The following NLRP14 variants were observed in gnomAD, a reference collection of about 807,000 sequenced individuals.
NLRP14 encodes NLR family pyrin domain containing 14.
In NLRP14, 105 loss-of-function variants were observed where a neutral mutation model predicts 94.7. The observed-to-expected ratio is 1.11, with a 90% CI of 0.95 to 1.30. NLRP14 has a LOEUF of 1.30. NLRP14 is among the 50% of genes most tolerant of loss of function. The probability of loss-of-function intolerance (pLI) is 0.00; values close to 1 mark genes in which losing one functional copy is unlikely to be tolerated. For synonymous variants in NLRP14, 508 were observed against 459.9 expected (o/e 1.10, Z -1.34); for missense variants, 1,362 against 1,254.1 (o/e 1.09, Z -1.30).
At chr11:7,089,148 C>T in the NLRP14 span, 4 of 1,614,026 alleles carry the variant, frequency 2.5e-6, no homozygotes, top group Admixed American at 5.0e-5. Context: ...CCCGGGGAAG[C>T]TGTTCATTGG....
At chr11:7,068,776 G>A (rs1256530447) in intron 10 of NLRP14, among the ~76,000 whole-genome samples, 3 of 152,050 alleles carry the variant, frequency 2.0e-5, no homozygotes, top group South Asian at 2.1e-4. Flanking sequence ...CCAGCCTCAC[G>A]AGTAGCTAGG....
intron 6 of NLRP14, among the ~76,000 whole-genome samples, chr11:7,057,300 C>T (rs889391817): frequency 6.6e-6 from 1 of 152,010 alleles, no homozygotes; most frequent in Non-Finnish European, 1.5e-5. Context: ...AACTTCCTGT[C>T]CATTTCTGTT....
downstream of NLRP14, among the ~76,000 whole-genome samples, chr11:7,072,650 C>T (rs184595195): frequency 1.3e-5 from 2 of 152,220 alleles, no homozygotes; most frequent in East Asian, 3.9e-4. Flanking sequence ...GGTGTGTTTA[C>T]TGAAGTTGTA....
At chr11:7,089,003 C>G in the NLRP14 span, 1 of 1,233,990 alleles carries the variant, frequency 8.1e-7, no homozygotes, top group African/African-American at 1.5e-5. Flanking sequence ...TCCGTGGACT[C>G]GGCGACTAGG....
At chr11:7,057,943 T>A in intron 7 of NLRP14, 96 bp downstream of exon 7, 1 of 986,972 alleles carries the variant, frequency 1.0e-6, no homozygotes, top group Non-Finnish European at 1.6e-6. Context: ...GTCTTGGCAC[T>A]AACTGGCTCG....
rs561185468 is a variant in NLRP14 at position 7,027,201 on chromosome 11, C to T, written c.-22+6431C>T. Among the ~76,000 whole-genome samples the T allele has an allele frequency of 4.6e-5, 7 of 151,444 alleles. No individual in the cohort carries two copies. In the South Asian group the frequency reaches 1.5e-3, roughly 32 times the overall value. Reference sequence around the variant, plus strand: ...TCCTTCCCATCATCAAGTATGCTGTCATTTCTCTAAAACAAAACAATAAAA... The same window carrying T: ...TCCTTCCCATCATCAAGTATGCTGTTATTTCTCTAAAACAAAACAATAAAA... On this transcript the variant is annotated intron_variant, in intron 1 of 11. Coordinates refer to ENST00000299481, the MANE Select transcript of NLRP14 (RefSeq NM_176822.4).
At chr11:7,041,502 A>C (rs906889043) in intron 3 of NLRP14, among the ~76,000 whole-genome samples, 25 of 152,066 alleles carry the variant, frequency 1.6e-4, no homozygotes, top group African/African-American at 5.8e-4. Context: ...ATTTGGGGGG[A>C]TATTAGTACC....
chr11:7,065,824 A>G (rs865923096), intron 10 of NLRP14, among the ~76,000 whole-genome samples: 1 of 151,946 alleles, frequency 6.6e-6, no homozygotes, highest in Non-Finnish European at 1.5e-5. Context: ...CCCATCATCT[A>G]TATTAAGTTT....
At chr11:7,089,809 G>A in the NLRP14 span, 8 of 1,606,556 alleles carry the variant, frequency 5.0e-6, no homozygotes, top group Non-Finnish European at 6.8e-6. Context: ...GAACCCCGGG[G>A]TTTTGCCCCC....
intron 10 of NLRP14, among the ~76,000 whole-genome samples, chr11:7,065,913 G>C (rs1276284664): frequency 1.3e-5 from 2 of 152,070 alleles, no homozygotes; most frequent in Non-Finnish European, 2.9e-5. Context: ...GTGTGTCCAT[G>C]TGTTCTCATT....
At chr11:7,053,208 A>G (rs1852466900) in intron 6 of NLRP14, among the ~76,000 whole-genome samples, 1 of 152,108 alleles carries the variant, frequency 6.6e-6, no homozygotes, top group Non-Finnish European at 1.5e-5. Context: ...TAGATAAATT[A>G]TAAACTAATC....
At chr11:7,049,585 C>G in intron 5 of NLRP14, 86 bp from the exon 6 acceptor site, 1 of 938,390 alleles carries the variant, frequency 1.1e-6, no homozygotes, top group Non-Finnish European at 1.8e-6. Flanking sequence ...CATGTAATAT[C>G]CAAGAATTAG....
At chr11:7,026,708 T>C (rs956288486) in intron 1 of NLRP14, among the ~76,000 whole-genome samples, 2 of 150,826 alleles carry the variant, frequency 1.3e-5, no homozygotes, top group Non-Finnish European at 2.9e-5. Context: ...CATGCACACG[T>C]ATGTTTATTG....
chr11:7,031,961 C>T (rs1421058771), intron 1 of NLRP14, among the ~76,000 whole-genome samples: 3 of 152,192 alleles, frequency 2.0e-5, no homozygotes, highest in Non-Finnish European at 4.4e-5. Context: ...TTAGCACCCC[C>T]ACTCCCTCTA....
At chr11:7,070,977 T>C (rs1852786246) in intron 11 of NLRP14, among the ~76,000 whole-genome samples, 196 bp from the exon 12 acceptor site, 1 of 152,236 alleles carries the variant, frequency 6.6e-6, no homozygotes, top group Non-Finnish European at 1.5e-5. Flanking sequence ...TAATTTATTC[T>C]GTCTTCCTTC....
downstream of NLRP14, among the ~76,000 whole-genome samples, chr11:7,072,524 T>G (rs1852816020): frequency 6.6e-6 from 1 of 152,240 alleles, no homozygotes; most frequent in African/African-American, 2.4e-5. Flanking sequence ...TTTGAGACTT[T>G]ATACATTGAC....
rs1589861643 is a variant in NLRP14 at position 7,042,464 on chromosome 11, G to A, written c.438G>A (p.Lys146=). 6.2e-7 allele frequency: 1 copy of A among 1,613,404 alleles called. No individual in the cohort carries two copies. Reference sequence around the variant, plus strand: ...GGGACAAGAAGTCTTTGGCTGGAAAGCCTGAAGATTTCCATCATGGAATTG... The same window carrying A: ...GGGACAAGAAGTCTTTGGCTGGAAAACCTGAAGATTTCCATCATGGAATTG... The part of the protein sequence containing the change: ...ITWDKKSLAG[K]PEDFHHGIAE... The change falls in exon 4 of 12, where the codon AAG becomes AAA. Residue 146 remains lysine, a synonymous_variant. Coordinates refer to ENST00000299481, the MANE Select transcript of NLRP14 (RefSeq NM_176822.4).
rs1161992646 is a variant in NLRP14 at position 7,043,583 on chromosome 11, T to C, written c.1557T>C (p.Ser519=). The change falls in exon 4 of 12, where the codon AGT becomes AGC. Residue 519 remains serine (S), a synonymous_variant. Transcript: ENST00000299481. ...EDLKSLLQST[S]YKDPHLTQMK... is the part of the protein sequence containing the mutation. ...TGAAGTCATTACTTCAAAGCACAAG[T>C]TATAAAGACCCCCATTTGACACAGA... 6.2e-7 allele frequency: 1 copy of C among 1,614,082 alleles called. No homozygotes were observed. The highest frequency in any genetic ancestry group is 8.5e-7 in the Non-Finnish European group (1 of 1,180,040).
Position 7,058,348 on chromosome 11 carries a change from G to T in NLRP14, c.2531G>T (p.Arg844Ile). The change falls in exon 8 of 12, where the codon AGA (arginine) becomes ATA (isoleucine). Residue 844 changes from arginine to isoleucine, a missense_variant. Coordinates refer to ENST00000299481, the MANE Select transcript of NLRP14 (RefSeq NM_176822.4). ...YLSLALISNK[R>I]LTHLCLADNV... ...TCTTTGGCTCTCATCAGCAATAAAA[G>T]ACTGACACATTTGTGCTTGGCAGAC... 1 of 1,612,790 alleles carries T rather than the reference G, an allele frequency of 6.2e-7. No individual in the cohort carries two copies. Among genetic ancestry groups the T allele is most frequent in the Non-Finnish European group, 8.5e-7 (1 of 1,179,018 alleles).
Sources: allele counts gnomAD v4.1 joint callset (sites outside exome capture counted in the v4.1 genomes callset), GRCh38; gene constraint gnomAD v4.1.1; transcripts MANE v1.5; gene names NCBI Gene and HGNC (gene_info 2026-07-23, HGNC 2026-07-21).